Variants in TMEM131 observed in about 807,000 individuals in gnomAD.
The protein encoded by TMEM131 is transmembrane protein 131.
A neutral mutation model predicts 211.6 loss-of-function variants in TMEM131; 66 were observed. The observed-to-expected ratio is 0.31, with a 90% CI of 0.26 to 0.38. The LOEUF is 0.38. Ranked by LOEUF, TMEM131 falls within the 10% of genes least tolerant of loss-of-function variation. The pLI is 1.00. For synonymous variants in TMEM131, 844 were observed against 841.3 expected (o/e 1.00, Z -0.06); for missense variants, 2,036 against 2,299.3 (o/e 0.89, Z 2.34).
intron 17 of TMEM131, 100 bp downstream of exon 17, chr2:97,812,321 T>C: frequency 7.6e-7 from 1 of 1,320,870 alleles, no homozygotes; most frequent in Non-Finnish European, 1.0e-6. Flanking sequence ...TATTATGAAC[T>C]GCATAAAAAT....
intron 28 of TMEM131, among the ~76,000 whole-genome samples, chr2:97,795,853 A>G (rs1484782077): frequency 6.6e-6 from 1 of 152,194 alleles, no homozygotes; most frequent in Non-Finnish European, 1.5e-5. Context: ...AAAAAACTGT[A>G]CATGTATGAA....
At chr2:97,975,004 A>G (rs1049455837) in intron 1 of TMEM131, among the ~76,000 whole-genome samples, 17 of 152,216 alleles carry the variant, frequency 1.1e-4, no homozygotes, top group Non-Finnish European at 2.2e-4. Flanking sequence ...CAACAACAGC[A>G]GAAGACATAT....
At chr2:97,895,325 A>G (rs1675562628) in intron 3 of TMEM131, among the ~76,000 whole-genome samples, 1 of 152,096 alleles carries the variant, frequency 6.6e-6, no homozygotes, top group Non-Finnish European at 1.5e-5. Flanking sequence ...ATTTGCCTGA[A>G]ATTTTCTTTT....
At chr2:97,923,161 C>T (rs1037760315) in intron 2 of TMEM131, among the ~76,000 whole-genome samples, 4 of 152,046 alleles carry the variant, frequency 2.6e-5, no homozygotes, top group African/African-American at 7.2e-5. Context: ...TTGTGGCACA[C>T]GCCTGTAATC....
chr2:97,952,972 T>C (rs1678392750), intron 1 of TMEM131, among the ~76,000 whole-genome samples: 1 of 152,136 alleles, frequency 6.6e-6, no homozygotes, highest in Admixed American at 6.5e-5. Flanking sequence ...AAAAAGAAGG[T>C]AACATAAAGG....
intron 31 of TMEM131, among the ~76,000 whole-genome samples, chr2:97,789,282 G>A (rs1296667686): frequency 3.3e-5 from 5 of 152,176 alleles, no homozygotes; most frequent in Admixed American, 6.5e-5. Context: ...CTGCCTTCTC[G>A]TTTGGCCTTG....
At chr2:97,784,787 C>T (rs1441310307) in intron 31 of TMEM131, among the ~76,000 whole-genome samples, 3 of 151,892 alleles carry the variant, frequency 2.0e-5, no homozygotes, top group Non-Finnish European at 2.9e-5. Context: ...AGATAAGCAA[C>T]GGAGAAAAAT....
intron 3 of TMEM131, among the ~76,000 whole-genome samples, chr2:97,893,183 T>C (rs1176478184): frequency 6.6e-6 from 1 of 152,174 alleles, no homozygotes; most frequent in Non-Finnish European, 1.5e-5. Flanking sequence ...AGAATGATGG[T>C]TTCCAGCTTC....
intron 7 of TMEM131, among the ~76,000 whole-genome samples, chr2:97,841,200 A>T (rs1379249792): frequency 6.6e-6 from 1 of 152,198 alleles, no homozygotes; most frequent in Non-Finnish European, 1.5e-5. Context: ...CTAGGATGTA[A>T]GGTAGAGATT....
chr2:97,793,993 CAAAAA>C (rs1169823016), intron 29 of TMEM131, among the ~76,000 whole-genome samples: 1 of 54,434 alleles, frequency 1.8e-5, no homozygotes. Flanking sequence ...GACTCTGTCT[CAAAAA>C]AAAAAAAAAA....
At chr2:97,928,787 G>T (rs1340443222) in intron 1 of TMEM131, among the ~76,000 whole-genome samples, 1 of 151,828 alleles carries the variant, frequency 6.6e-6, no homozygotes, top group East Asian at 1.9e-4. Flanking sequence ...TGGGAGCCAG[G>T]TGTCTCACTG....
intron 5 of TMEM131, among the ~76,000 whole-genome samples, chr2:97,847,826 T>TA (rs757415392): frequency 6.6e-6 from 1 of 152,158 alleles, no homozygotes; most frequent in Non-Finnish European, 1.5e-5. Context: ...AGAAGAATGT[T>TA]AGAGTGAGGA....
At chr2:97,974,739 T>C (rs1208700561) in intron 1 of TMEM131, among the ~76,000 whole-genome samples, 1 of 146,468 alleles carries the variant, frequency 6.8e-6, no homozygotes. Context: ...TGTCGACCTG[T>C]AATTCTATAG....
intron 11 of TMEM131, chr2:97,827,114 G>A (rs985798882): frequency 6.6e-6 from 3 of 452,084 alleles, no homozygotes; most frequent in South Asian, 2.8e-5. Context: ...AAACTTACAA[G>A]GTTTTCAACA....
intron 7 of TMEM131, among the ~76,000 whole-genome samples, chr2:97,838,938 C>G (rs1449598142): frequency 1.3e-5 from 2 of 152,130 alleles, no homozygotes; most frequent in African/African-American, 2.4e-5. Flanking sequence ...GATAGGATGA[C>G]TATAGAACTT....
intron 3 of TMEM131, among the ~76,000 whole-genome samples, chr2:97,890,002 AC>A (rs1432611052): frequency 6.6e-6 from 1 of 152,194 alleles, no homozygotes; most frequent in Admixed American, 6.5e-5. Context: ...TGCTGCCAAG[AC>A]CTGAACGACA....
chr2:97,821,799 A>G lies in TMEM131; in HGVS notation c.1075-3078T>C, dbSNP rs191018396. On this transcript the variant is annotated intron_variant, in intron 11 of 40. Coordinates refer to ENST00000186436, the MANE Select transcript of TMEM131 (RefSeq NM_015348.2). ...GCGACTGGCACAGCCACCGGACTAAAGACACAGGTGTCAGGCTTTCTGGGA... is the reference window on the plus strand; with the variant it reads ...GCGACTGGCACAGCCACCGGACTAAGGACACAGGTGTCAGGCTTTCTGGGA... Among the ~76,000 whole-genome samples the G allele has an allele frequency of 1.9e-3, 287 of 152,312 alleles. 1 individual carries two copies. Among genetic ancestry groups the G allele is most frequent in the Non-Finnish European group, 3.0e-3 (201 of 68,012 alleles).
At chr2:97,873,432 G>C (rs1412887502) in intron 4 of TMEM131, among the ~76,000 whole-genome samples, 1 of 152,212 alleles carries the variant, frequency 6.6e-6, no homozygotes, top group East Asian at 1.9e-4. Context: ...GTGGGTCCCT[G>C]ACCGCCGTGT....
At chr2:97,823,510 C>T (rs1682224765) in intron 11 of TMEM131, among the ~76,000 whole-genome samples, 1 of 152,124 alleles carries the variant, frequency 6.6e-6, no homozygotes, top group African/African-American at 2.4e-5. Flanking sequence ...AGCTGCAGCC[C>T]AAGAATTTGG....
Sources: gnomAD v4.1 joint callset for allele counts (sites outside exome capture counted in the v4.1 genomes callset) on GRCh38, gnomAD v4.1.1 for gene constraint, MANE v1.5 for transcripts, NCBI Gene and HGNC (gene_info 2026-07-23, HGNC 2026-07-21) for gene names.